The following IFT172 variants were observed in gnomAD, a reference collection of about 807,000 sequenced individuals.
IFT172 encodes intraflagellar transport protein 172 homolog.
Under a neutral mutation model 248.9 loss-of-function variants are expected in IFT172, and 164 were observed. The observed-to-expected ratio is 0.66, with a 90% CI of 0.58 to 0.75. The LOEUF (loss-of-function observed/expected upper bound fraction) is 0.75, where lower values mean the gene tolerates loss of function less well. IFT172 is among the 30% of genes least tolerant of loss of function. The pLI, the probability that IFT172 is intolerant of heterozygous loss-of-function variation, is 0.00. For synonymous variants in IFT172, 729 were observed against 791.6 expected (o/e 0.92, Z 1.33); for missense variants, 1,950 against 2,192.4 (o/e 0.89, Z 2.21).
chr2:27,476,947 CTGAG>C, intron 13 of IFT172: 2 of 588,330 alleles, frequency 3.4e-6, no homozygotes, highest in East Asian at 2.9e-5. Context: ...CCTCACCTTC[CTGAG>C]TAACTGGGAC....
intron 7 of IFT172, among the ~76,000 whole-genome samples, 192 bp from the exon 8 acceptor site, chr2:27,481,452 C>T (rs1295574571): frequency 3.3e-5 from 5 of 149,282 alleles, no homozygotes; most frequent in South Asian, 4.2e-4. Flanking sequence ...CACACACACA[C>T]ATACACACAC....
At chr2:27,446,989 G>A (rs1251838726) in intron 42 of IFT172, among the ~76,000 whole-genome samples, 5 of 148,254 alleles carry the variant, frequency 3.4e-5, no homozygotes, top group Admixed American at 6.7e-5. Context: ...GTGAGCCACC[G>A]CGCCCGGCCA....
rs1296387327 is a variant in IFT172 at position 27,448,895 on chromosome 2, C to G, written c.4428+20G>C. ...AGAGCTTTCTTGTGGAAACATTCAACCCAAGGAGAAGGCTGGTACCTGTGG... is the reference window on the plus strand; with the variant it reads ...AGAGCTTTCTTGTGGAAACATTCAAGCCAAGGAGAAGGCTGGTACCTGTGG... On this transcript the variant is annotated intron_variant, in intron 40 of 47. Coordinates refer to ENST00000260570, the MANE Select transcript of IFT172 (RefSeq NM_015662.3). The G allele has an allele frequency of 8.5e-7, 1 of 1,173,014 alleles. No homozygotes were observed. Among genetic ancestry groups the G allele is most frequent in the Admixed American group, 1.7e-5 (1 of 59,442 alleles). The allele number at this position is 1,173,014 out of a possible 1,614,324, so 72.7% of individuals were successfully genotyped here.
intron 36 of IFT172, 43 bp downstream of exon 36, chr2:27,449,955 C>T (rs754988082): frequency 6.4e-7 from 1 of 1,552,516 alleles, no homozygotes; most frequent in African/African-American, 1.4e-5. Flanking sequence ...TTGCACCCAT[C>T]TCTGTGAAAT....
At position 27,471,033 on chromosome 2, in the gene IFT172, C is replaced by A. The variant is rs1355860343; in HGVS notation, c.1587G>T (p.Met529Ile). The change falls in exon 16 of 48, where the codon ATG (methionine) becomes ATT (isoleucine). Residue 529 changes from methionine (M) to isoleucine (I), a missense_variant. By Grantham distance (10) the Met-to-Ile change is conservative (BLOSUM62 1). This residue lies in a region of IFT172 where 1,166 missense variants were observed against 1,254.1 expected (regional missense o/e 0.93). Transcript: ENST00000260570. Reference sequence around the variant, plus strand: ...GCACGTCACTTCCTGGGACCCACTGCATATAGGAGCAGAAGTTGAGGATCA... The same window carrying A: ...GCACGTCACTTCCTGGGACCCACTGAATATAGGAGCAGAAGTTGAGGATCA... ...KTMILNFCSY[M>I]QWVPGSDVLV... 2.5e-6 allele frequency: 4 copies of A among 1,613,834 alleles called. No homozygotes were observed. Among genetic ancestry groups the A allele is most frequent in the Non-Finnish European group, 3.4e-6 (4 of 1,179,972 alleles).
At position 27,488,819 on chromosome 2, in the gene IFT172, G is replaced by A. The variant is rs566966035; in HGVS notation, c.39+796C>T. The stretch of plus-strand genomic sequence containing the variant: ...CAGGTCATTTGTTTAAAGTACTGGT[G>A]GCCAGTCTGGGCAACATGGGGAAAC... On this transcript the variant is annotated intron_variant, in intron 1 of 47. Transcript: ENST00000260570. 8.5e-5 allele frequency among the ~76,000 whole-genome samples: 13 copies of A among 152,226 alleles called. No homozygotes were observed. In the East Asian group the frequency reaches 2.3e-3, roughly 27 times the overall value.
At chr2:27,459,862 T>A (rs751798165) in intron 23 of IFT172, 33 bp from the exon 24 acceptor site, 1 of 1,605,252 alleles carries the variant, frequency 6.2e-7, no homozygotes, top group South Asian at 1.1e-5. Flanking sequence ...TCAGCCCAGA[T>A]TTCCAGGGAT....
Position 27,459,842 on chromosome 2 carries a change from G to GA in IFT172, c.2522-14dup. ...GCCAGCTCTACCGCTGCCAGGGAGA[G>GA]AAAAGATGCTCAGCCCAGATTTCCA... On this transcript the variant is annotated splice_polypyrimidine_tract_variant and intron_variant, in intron 23 of 47. Transcript: ENST00000260570. The GA allele has an allele frequency of 6.2e-7, 1 of 1,609,044 alleles. No individual in the cohort carries two copies.
At chr2:27,446,858 CCTGG>C in intron 42 of IFT172, among the ~76,000 whole-genome samples, 1 of 151,380 alleles carries the variant, frequency 6.6e-6, no homozygotes, top group African/African-American at 2.4e-5. Flanking sequence ...CGCCACCGTG[CCTGG>C]CTAATTTTTT....
chr2:27,449,212 G>T, intron 39 of IFT172, 82 bp downstream of exon 39: 1 of 1,542,698 alleles, frequency 6.5e-7, no homozygotes, highest in Non-Finnish European at 9.0e-7. Flanking sequence ...TTTTTGTGGA[G>T]GTAGAAGAGA....
In IFT172 at chr2:27,457,860, G is replaced by GT. The variant is rs1482414957; in HGVS notation, c.3091dup (p.Thr1031AsnfsTer12). 1 of 1,614,180 alleles carries GT rather than the reference G, an allele frequency of 6.2e-7. No homozygotes were observed. The highest frequency in any genetic ancestry group is 1.1e-5 in the South Asian group (1 of 91,076). On this transcript the variant is annotated frameshift_variant, in exon 28 of 48. Transcript: ENST00000260570. LOFTEE classifies it high-confidence loss of function. ...GCTCACCTTGCCCAGATGTAGGTGT[G>GT]TATCACTGAGGAGATCTGGATGGTG...
intron 16 of IFT172, 159 bp downstream of exon 16, chr2:27,470,769 G>T: frequency 1.6e-6 from 1 of 624,144 alleles, no homozygotes; most frequent in Non-Finnish European, 2.6e-6. Flanking sequence ...AAAAAGGATG[G>T]TTCTGGGGGC....
At chr2:27,473,778 CA>C (rs1373955554) in intron 14 of IFT172, among the ~76,000 whole-genome samples, 2 of 151,944 alleles carry the variant, frequency 1.3e-5, no homozygotes, top group African/African-American at 4.8e-5. Context: ...GTTGATAGCC[CA>C]AAAAAGTTAA....
In IFT172 at chr2:27,483,310, A is replaced by T; in HGVS notation, c.549T>A (p.Asp183Glu). The T allele has an allele frequency of 6.3e-7, 1 of 1,599,628 alleles. No individual in the cohort carries two copies. Among genetic ancestry groups the T allele is most frequent in the Non-Finnish European group, 8.6e-7 (1 of 1,166,760 alleles). ...ATACCTGTGACTCTCCAGAGCCTTC[A>T]TCATCAAAGAAATACCTAACGATGG... The part of the protein sequence containing the change: ...DGTIVRYFFD[D>E]EGSGESQGKL... The change falls in exon 7 of 48, where the codon GAT (aspartate) becomes GAA (glutamate). Residue 183 changes from aspartate to glutamate, a missense_variant. Physicochemically the swap from Asp to Glu is conservative, Grantham distance 45. Coordinates refer to ENST00000260570, the MANE Select transcript of IFT172 (RefSeq NM_015662.3).
At position 27,444,888 on chromosome 2, in the gene IFT172, A is replaced by AT. The variant is rs1558347598; in HGVS notation, c.5160+125dup. 3 of 980,336 alleles carry AT rather than the reference A, an allele frequency of 3.1e-6. No individual in the cohort carries two copies. In the African/African-American group the frequency reaches 4.9e-5, roughly 16 times the overall value. 60.7% of individuals were successfully genotyped at this position (980,336 alleles called of 1,614,324 possible). On this transcript the variant is annotated intron_variant, in intron 47 of 47. Coordinates refer to ENST00000260570, the MANE Select transcript of IFT172 (RefSeq NM_015662.3). ...GGTCTCAAACTCCTGACCTCAGGTG[A>AT]TCCGCCCACCTTGGCCTCCCAAAGT...
At position 27,445,013 on chromosome 2, in the gene IFT172, C is replaced by T. The variant is rs1480076561; in HGVS notation, c.5160+1G>A. On this transcript the variant is annotated splice_donor_variant, in intron 47 of 47. Coordinates refer to ENST00000260570, the MANE Select transcript of IFT172 (RefSeq NM_015662.3). LOFTEE classifies it high-confidence loss of function. The surrounding 1 kb of genome is among the most constrained non-coding windows in gnomAD (Gnocchi z 4.4). ...TCATTCTCCAAGTCCTCCTCTCTAACCTTGATGGCCATAAGGAATTTATTC... is the reference window on the plus strand; with the variant it reads ...TCATTCTCCAAGTCCTCCTCTCTAATCTTGATGGCCATAAGGAATTTATTC... 6.2e-7 allele frequency: 1 copy of T among 1,613,568 alleles called. No individual in the cohort carries two copies. Among genetic ancestry groups the T allele is most frequent in the South Asian group, 1.1e-5 (1 of 91,042 alleles).
At chr2:27,477,144 G>A in intron 13 of IFT172, 73 bp downstream of exon 13, 1 of 1,321,302 alleles carries the variant, frequency 7.6e-7, no homozygotes, top group Non-Finnish European at 1.1e-6. Flanking sequence ...GGATTAACTG[G>A]AGGACACAGA....
chr2:27,456,851 C>G (rs1666203084), intron 29 of IFT172, among the ~76,000 whole-genome samples, 198 bp from the exon 30 acceptor site: 1 of 152,058 alleles, frequency 6.6e-6, no homozygotes, highest in Non-Finnish European at 1.5e-5. Flanking sequence ...TCGAGACCAG[C>G]CTGGCCAACA....
rs1262275009 is a variant in IFT172 at position 27,454,730 on chromosome 2, A to C, written c.3372-70T>G. The C allele has an allele frequency of 4.5e-6, 6 of 1,340,384 alleles. No homozygotes were observed. The highest frequency in any genetic ancestry group is 1.8e-4 in the Middle Eastern group (1 of 5,556). The allele number at this position is 1,340,384 out of a possible 1,614,324, so 83.0% of individuals were successfully genotyped here. ...CTTCATAAAAGGAACAAGACAAAAC[A>C]GAGAAAGGACAGAGTTGAGGGGAGA... is the stretch of plus-strand genomic sequence containing the variant. On this transcript the variant is annotated intron_variant, in intron 30 of 47. Coordinates refer to ENST00000260570, the MANE Select transcript of IFT172 (RefSeq NM_015662.3). This position sits in a 1 kb window ranked among gnomAD's most constrained non-coding sequence, Gnocchi z 4.2.
Sources: gnomAD v4.1 joint callset for allele counts (sites outside exome capture counted in the v4.1 genomes callset) on GRCh38, gnomAD v4.1.1 for gene constraint, gnomAD v4.1.1 regional missense constraint, Gnocchi (gnomAD v3.1) non-coding constraint, MANE v1.5 for transcripts, NCBI Gene and HGNC (gene_info 2026-07-23, HGNC 2026-07-21) for gene names.